The following PPP4R3B variants were observed in gnomAD, a reference collection of about 807,000 sequenced individuals.
PPP4R3B encodes the protein protein phosphatase 4 regulatory subunit 3B.
PPP4R3B carries 52 observed loss-of-function variants against 95.4 expected under a neutral mutation model. The ratio of observed to expected loss-of-function variants is 0.54; its 90% CI spans 0.44 to 0.69. The LOEUF (loss-of-function observed/expected upper bound fraction) is 0.69, where lower values mean the gene tolerates loss of function less well. PPP4R3B is among the 30% of genes least tolerant of loss of function. The pLI, the probability that PPP4R3B is intolerant of heterozygous loss-of-function variation, is 0.00. For missense variants in PPP4R3B, 1,003 were observed against 1,005.9 expected, an observed-to-expected ratio of 1.00 and a Z score of 0.04; for synonymous variants, 407 against 343.9, an observed-to-expected ratio of 1.18 and a Z score of -2.03.
intron 15 of PPP4R3B, among the ~76,000 whole-genome samples, 181 bp downstream of exon 15, chr2:55,564,132 A>C (rs1343840855): frequency 6.6e-6 from 1 of 152,254 alleles, no homozygotes; most frequent in East Asian, 1.9e-4. Flanking sequence ...GAAACATTTT[A>C]AACATGAAAA....
chr2:55,603,504 T>A (rs1250871101), intron 3 of PPP4R3B, among the ~76,000 whole-genome samples: 1 of 152,208 alleles, frequency 6.6e-6, no homozygotes, highest in Admixed American at 6.5e-5. Flanking sequence ...AGGTTTCTTT[T>A]AAAAAAATTC....
chr2:55,603,126 T>C (rs1469575327), intron 3 of PPP4R3B, among the ~76,000 whole-genome samples: 31 of 152,092 alleles, frequency 2.0e-4, no homozygotes, highest in Non-Finnish European at 1.5e-5. Flanking sequence ...CTAATTTTTG[T>C]ACTTTGAGTA....
At chr2:55,556,245 C>T (rs1009058808) in intron 16 of PPP4R3B, among the ~76,000 whole-genome samples, 12 of 152,172 alleles carry the variant, frequency 7.9e-5, no homozygotes, top group African/African-American at 2.4e-4. Flanking sequence ...GCAACTGTTT[C>T]CCAAGAACAC....
At chr2:55,577,293 T>C in intron 11 of PPP4R3B, 22 bp downstream of exon 11, 1 of 1,548,190 alleles carries the variant, frequency 6.5e-7, no homozygotes, top group Non-Finnish European at 8.7e-7. Context: ...CATGTATTCA[T>C]AAAGTATGAA....
At chr2:55,609,384 T>C (rs1693854849) in intron 2 of PPP4R3B, among the ~76,000 whole-genome samples, 1 of 152,176 alleles carries the variant, frequency 6.6e-6, no homozygotes, top group Non-Finnish European at 1.5e-5. Flanking sequence ...GATGTTCATT[T>C]TAAGACCTTT....
intron 3 of PPP4R3B, among the ~76,000 whole-genome samples, chr2:55,602,592 T>C (rs1385694664): frequency 3.3e-5 from 5 of 152,114 alleles, no homozygotes; most frequent in African/African-American, 9.7e-5. Context: ...TAAACTCTAA[T>C]CTCCAGTGAA....
chr2:55,561,667 T>C (rs1203909816), intron 15 of PPP4R3B, among the ~76,000 whole-genome samples: 1 of 152,258 alleles, frequency 6.6e-6, no homozygotes, highest in Non-Finnish European at 1.5e-5. Flanking sequence ...ATTTTGGAGC[T>C]TTAAGATTTA....
chr2:55,600,363 T>C (rs1022362790), intron 3 of PPP4R3B, among the ~76,000 whole-genome samples: 6 of 122,940 alleles, frequency 4.9e-5, no homozygotes, highest in African/African-American at 1.6e-4. Context: ...GAGGCGGAGG[T>C]TGCAGTGAGC....
rs1424902615 is a variant in PPP4R3B at position 55,617,452 on chromosome 2, CAAGAGCCA to C, written c.-175_-168del. The stretch of plus-strand genomic sequence containing the variant: ...AAGGTTCAGCCGCGAGAAGGGGTGA[CAAGAGCCA>C]CTGAGGCCTCTCCGCCCGGAGGCCC... On this transcript the variant is annotated 5_prime_UTR_variant, in exon 1 of 17. Transcript: ENST00000616407. 3 of 770,710 alleles carry C rather than the reference CAAGAGCCA, an allele frequency of 3.9e-6. No homozygotes were observed. The East Asian group carries it at 9.3e-5, about 24-fold the overall frequency. 47.7% of individuals were successfully genotyped at this position (770,710 alleles called of 1,614,324 possible).
rs530236203 is a variant in PPP4R3B at position 55,573,749 on chromosome 2, G to C, written c.1635C>G (p.Ala545=). 7.8e-6 allele frequency: 12 copies of C among 1,532,770 alleles called. No individual in the cohort carries two copies. The South Asian group carries it at 1.4e-4, about 18-fold the overall frequency. 94.9% of individuals were successfully genotyped at this position (1,532,770 alleles called of 1,614,324 possible). The change falls in exon 12 of 17, where the codon GCC becomes GCG. Residue 545 remains alanine (A), a synonymous_variant. Transcript: ENST00000616407. ...PDNYQTAQLL[A]LILELLTFCV... is the part of the protein sequence containing the mutation. ...AAAATGTGAGTAACTCTAAAATTAA[G>C]GCAAGTAGCTGTGCTGTTTGATAAT... is the stretch of plus-strand genomic sequence containing the variant.
chr2:55,571,923 A>G (rs1020781906), intron 12 of PPP4R3B, among the ~76,000 whole-genome samples: 23 of 152,346 alleles, frequency 1.5e-4, no homozygotes, highest in African/African-American at 5.5e-4. Context: ...CCTGGCCAAC[A>G]CTGGTACTTT....
chr2:55,575,362 T>A (rs1277605215), intron 11 of PPP4R3B, among the ~76,000 whole-genome samples: 2 of 152,220 alleles, frequency 1.3e-5, no homozygotes, highest in Non-Finnish European at 1.5e-5. Flanking sequence ...TTGAACTGCA[T>A]CCTGAACATC....
At chr2:55,558,663 A>G in intron 16 of PPP4R3B, 112 bp downstream of exon 16, 1 of 766,258 alleles carries the variant, frequency 1.3e-6, no homozygotes, top group Admixed American at 2.6e-5. Flanking sequence ...TAACAGAAAA[A>G]TTCTAAACAA....
At chr2:55,611,961 C>T (rs2103880484) in intron 2 of PPP4R3B, among the ~76,000 whole-genome samples, 1 of 152,236 alleles carries the variant, frequency 6.6e-6, no homozygotes, top group East Asian at 1.9e-4. Flanking sequence ...CCGAAATCCT[C>T]AGCTCAAGGG....
chr2:55,566,862 C>T (rs979213056), intron 13 of PPP4R3B, among the ~76,000 whole-genome samples: 1 of 152,072 alleles, frequency 6.6e-6, no homozygotes, highest in Non-Finnish European at 1.5e-5. Flanking sequence ...TACCATTAGC[C>T]AGGCACTTTA....
chr2:55,570,858 G>C (rs1687907370), intron 12 of PPP4R3B, among the ~76,000 whole-genome samples: 1 of 152,202 alleles, frequency 6.6e-6, no homozygotes, highest in African/African-American at 2.4e-5. Flanking sequence ...ATAAGAAATG[G>C]TTTACTTAAG....
chr2:55,567,716 C>G (rs574554355), intron 13 of PPP4R3B, among the ~76,000 whole-genome samples: 2 of 152,204 alleles, frequency 1.3e-5, no homozygotes, highest in African/African-American at 4.8e-5. Flanking sequence ...ACGCCCAACC[C>G]CAAGTGAATT....
chr2:55,600,953 T>TC (rs1304164269), intron 3 of PPP4R3B, among the ~76,000 whole-genome samples: 1 of 151,896 alleles, frequency 6.6e-6, no homozygotes, highest in East Asian at 1.9e-4. Context: ...GCTCAGGAGT[T>TC]CAAGACCAGC....
At chr2:55,597,493 G>T (rs1691960977) in intron 4 of PPP4R3B, among the ~76,000 whole-genome samples, 1 of 152,122 alleles carries the variant, frequency 6.6e-6, no homozygotes, top group Admixed American at 6.5e-5. Context: ...GTGATGGCGG[G>T]CGCCTGTAGT....
Sources: gnomAD v4.1 joint callset for allele counts (sites outside exome capture counted in the v4.1 genomes callset) on GRCh38, gnomAD v4.1.1 for gene constraint, MANE v1.5 for transcripts, NCBI Gene and HGNC (gene_info 2026-07-23, HGNC 2026-07-21) for gene names.